Variants in RDH11 observed in about 807,000 individuals in gnomAD.
RDH11 encodes the protein retinol dehydrogenase 11, also known as HCV core-binding protein HCBP12.
Under a neutral mutation model 33.4 loss-of-function variants are expected in RDH11, and 19 were observed. The observed-to-expected ratio is 0.57, with a 90% CI of 0.40 to 0.83. The LOEUF is 0.83. Ranked by LOEUF, RDH11 falls within the 40% of genes least tolerant of loss-of-function variation. RDH11 has a pLI of 0.00. For synonymous variants in RDH11, 154 were observed against 155.3 expected, an observed-to-expected ratio of 0.99 and a Z score of 0.06; for missense variants, 353 against 389.0, an observed-to-expected ratio of 0.91 and a Z score of 0.78.
At chr14:67,693,283 C>T (rs937626657) in intron 1 of RDH11, among the ~76,000 whole-genome samples, 1 of 152,198 alleles carries the variant, frequency 6.6e-6, no homozygotes, top group Non-Finnish European at 1.5e-5. Flanking sequence ...TACAGCTGTT[C>T]TCTGCAGCAC....
chr14:67,693,102 C>A, intron 1 of RDH11, 50 bp from the exon 2 acceptor site: 4 of 1,284,124 alleles, frequency 3.1e-6, no homozygotes, highest in Non-Finnish European at 4.5e-6. Context: ...ACTGTCTCAG[C>A]CAGTAGGTTC....
intron 1 of RDH11, among the ~76,000 whole-genome samples, chr14:67,694,528 T>TC (rs1329376328): frequency 6.8e-6 from 1 of 147,140 alleles, no homozygotes; most frequent in Non-Finnish European, 1.5e-5. Flanking sequence ...TTTTTTTTTT[T>TC]CCAGAAAAAT....
At chr14:67,689,957 A>G in intron 5 of RDH11, 1 of 397,380 alleles carries the variant, frequency 2.5e-6, no homozygotes, top group Non-Finnish European at 4.7e-6. Flanking sequence ...AAAAAAAAAA[A>G]GTTAAGTAAC....
At chr14:67,690,528 C>G (rs1222522327) in intron 4 of RDH11, 107 bp from the exon 5 acceptor site, 1 of 882,902 alleles carries the variant, frequency 1.1e-6, no homozygotes, top group Admixed American at 2.3e-5. Context: ...GAAATAAGGT[C>G]TTTCCCTCCA....
intron 1 of RDH11, among the ~76,000 whole-genome samples, chr14:67,693,510 T>TA (rs2037781224): frequency 7.0e-6 from 1 of 142,714 alleles, no homozygotes. Context: ...TGGGACAAAA[T>TA]AAACAAGAAA....
intron 5 of RDH11, 67 bp downstream of exon 5, chr14:67,690,145 C>T (rs1368000754): frequency 1.6e-5 from 23 of 1,428,694 alleles, no homozygotes; most frequent in Non-Finnish European, 2.3e-5. Flanking sequence ...GAAACAGTTT[C>T]CATTCCTGTG....
intron 5 of RDH11, chr14:67,686,323 T>C (rs1482852308): frequency 6.6e-6 from 1 of 152,146 alleles, no homozygotes; most frequent in Admixed American, 6.6e-5. Context: ...AATGAGTTCA[T>C]ATATGTTAAA....
intron 1 of RDH11, among the ~76,000 whole-genome samples, chr14:67,694,491 T>C (rs147035392): frequency 0.22 from 20,988 of 94,538 alleles, 1,583 homozygotes; most frequent in Non-Finnish European, 0.29. Context: ...CACACACACA[T>C]ATATATATAT....
chr14:67,685,652 G>T (rs1272758123), intron 5 of RDH11, among the ~76,000 whole-genome samples: 1 of 150,870 alleles, frequency 6.6e-6, no homozygotes, highest in Non-Finnish European at 1.5e-5. Flanking sequence ...AGACAGGCTT[G>T]CTGTGTTGCC....
At chr14:67,693,181 CAG>C (rs2037777531) in intron 1 of RDH11, 129 bp from the exon 2 acceptor site, 2 of 574,574 alleles carry the variant, frequency 3.5e-6, no homozygotes, top group South Asian at 2.8e-5. Context: ...TTTAAGGAAA[CAG>C]TGTCCATTTA....
In RDH11 at chr14:67,678,064, A is replaced by T; in HGVS notation, c.*257T>A. 1 of 370,876 alleles carries T rather than the reference A, an allele frequency of 2.7e-6. No homozygotes were observed. The highest frequency in any genetic ancestry group is 5.5e-5 in the East Asian group (1 of 18,128). 23.0% of individuals were successfully genotyped at this position (370,876 alleles called of 1,614,324 possible). A position where few individuals can be genotyped will look rare whatever the true frequency, so the allele number is the denominator to read the frequency against. On this transcript the variant is annotated 3_prime_UTR_variant, in exon 7 of 7. Coordinates refer to ENST00000381346, the MANE Select transcript of RDH11 (RefSeq NM_016026.4). ...AGAAGGAAAATGAGCTGTGCAGGTC[A>T]TATGAGGGTCTTCTTATCCTATTAT...
chr14:67,692,366 C>G (rs1202161510), intron 3 of RDH11, 72 bp downstream of exon 3: 5 of 1,539,070 alleles, frequency 3.2e-6, no homozygotes, highest in Non-Finnish European at 4.4e-6. Flanking sequence ...GAAGAGGGAC[C>G]TTTTCCTTTT....
intron 5 of RDH11, among the ~76,000 whole-genome samples, chr14:67,689,815 G>A (rs550236875): frequency 2.0e-5 from 3 of 152,056 alleles, no homozygotes; most frequent in East Asian, 1.9e-4. Context: ...CTGGTGGCAC[G>A]CACCTGTAGT....
chr14:67,690,448 A>C, intron 4 of RDH11, 27 bp from the exon 5 acceptor site: 1 of 1,596,716 alleles, frequency 6.3e-7, no homozygotes, highest in Non-Finnish European at 8.6e-7. Flanking sequence ...GAATTAATGA[A>C]GTTCAGGGCC....
At chr14:67,684,136 G>C (rs2037647513) in intron 6 of RDH11, among the ~76,000 whole-genome samples, 1 of 151,630 alleles carries the variant, frequency 6.6e-6, no homozygotes, top group Admixed American at 6.6e-5. Flanking sequence ...CTAAAGCACA[G>C]ACCAGATTTT....
Position 67,691,187 on chromosome 14 carries a change from G to C in RDH11, c.407C>G (p.Ser136Trp), listed in dbSNP as rs114772690. ...NNAGVMMCPYSKTADGFEMHI... is the reference protein window; with the variant it reads ...NNAGVMMCPYWKTADGFEMHI... ...CATCTCAAAGCCATCTGCTGTCTTC[G>C]AGTACGGACACATCATCACTCCTGC... The change falls in exon 4 of 7, where the codon TCG becomes TGG. Residue 136 changes from serine (S) to tryptophan (W), a missense_variant. Physicochemically the swap from Ser to Trp is radical, Grantham distance 177. Transcript: ENST00000381346. 37 of 1,614,020 alleles carry C rather than the reference G, an allele frequency of 2.3e-5. No individual in the cohort carries two copies. Among genetic ancestry groups the C allele is most frequent in the Non-Finnish European group, 3.1e-5 (37 of 1,179,980 alleles).
At chr14:67,680,373 A>G (rs1175702278) in intron 6 of RDH11, among the ~76,000 whole-genome samples, 2 of 152,042 alleles carry the variant, frequency 1.3e-5, no homozygotes, top group African/African-American at 4.8e-5. Flanking sequence ...TGTGCCTTAT[A>G]CTCTTCATAA....
chr14:67,684,914 A>T, intron 6 of RDH11, 101 bp downstream of exon 6: 1 of 896,602 alleles, frequency 1.1e-6, no homozygotes, highest in Non-Finnish European at 1.7e-6. Context: ...GACAAAAGCT[A>T]TATGAGACAA....
rs756857330 is a variant in RDH11 at position 67,690,194 on chromosome 14, C to T, written c.664+18G>A. On this transcript the variant is annotated intron_variant, in intron 5 of 6. Coordinates refer to ENST00000381346, the MANE Select transcript of RDH11 (RefSeq NM_016026.4). The stretch of plus-strand genomic sequence containing the variant: ...TCTCTCTGACTCATGTCTCCACATT[C>T]ATTTCCTCTAGGCCCACCTTTTAGT... 4 of 1,607,816 alleles carry T rather than the reference C, an allele frequency of 2.5e-6. No individual in the cohort carries two copies. In the East Asian group the frequency reaches 8.9e-5, roughly 36 times the overall value.
Sources: gnomAD v4.1 joint callset for allele counts (sites outside exome capture counted in the v4.1 genomes callset) on GRCh38, gnomAD v4.1.1 for gene constraint, MANE v1.5 for transcripts, NCBI Gene and HGNC (gene_info 2026-07-23, HGNC 2026-07-21) for gene names.